PCDH11X: variants seen among roughly 807,000 people sequenced by gnomAD.
PCDH11X encodes the protein protocadherin-11 X-linked.
In PCDH11X, 18 loss-of-function variants were observed where a neutral mutation model predicts 53.3. The ratio of observed to expected loss-of-function variants is 0.34; its 90% CI spans 0.23 to 0.50. The LOEUF (loss-of-function observed/expected upper bound fraction) is 0.50. PCDH11X is among the 20% of genes least tolerant of loss of function. The probability of loss-of-function intolerance (pLI) is 0.98; values close to 1 mark genes in which losing one functional copy is unlikely to be tolerated. For synonymous variants in PCDH11X, 279 were observed against 393.3 expected, an observed-to-expected ratio of 0.71 and a Z score of 3.44; for missense variants, 570 against 1,032.4, an observed-to-expected ratio of 0.55 and a Z score of 6.14.
intron 6 of PCDH11X, among the ~76,000 whole-genome samples, chrX:91,906,846 G>A (rs1941175015): frequency 1.8e-5 from 2 of 110,947 alleles, no homozygotes; most frequent in Admixed American, 9.7e-5. Flanking sequence ...GCATTTGTTA[G>A]ATTCATAGGT....
intron 10 of PCDH11X, among the ~76,000 whole-genome samples, chrX:92,602,162 A>C (rs935497694): frequency 1.8e-5 from 2 of 111,052 alleles, no homozygotes; most frequent in African/African-American, 6.6e-5. Context: ...AAATACAGAG[A>C]GCTCCAAAGC....
intron 8 of PCDH11X, among the ~76,000 whole-genome samples, chrX:92,299,558 A>G (rs2068678474): frequency 9.0e-6 from 1 of 111,521 alleles, no homozygotes; most frequent in African/African-American, 3.3e-5. Flanking sequence ...GTGTCAAACA[A>G]GTTATCCATT....
chrX:92,049,167 C>G (rs186399402), intron 6 of PCDH11X, among the ~76,000 whole-genome samples: 8 of 110,547 alleles, frequency 7.2e-5, no homozygotes, highest in Non-Finnish European at 1.5e-4. Context: ...CTGATTATCT[C>G]CTGGATCTGG....
chrX:92,287,348 C>G (rs2068397217), intron 8 of PCDH11X, among the ~76,000 whole-genome samples: 1 of 110,868 alleles, frequency 9.0e-6, no homozygotes, highest in African/African-American at 3.3e-5. Flanking sequence ...GTCCACCACC[C>G]CCTGACAGGC....
At chrX:92,147,871 CCTTT>C (rs371391585) in intron 6 of PCDH11X, among the ~76,000 whole-genome samples, 2 of 42,888 alleles carry the variant, frequency 4.7e-5, no homozygotes, top group African/African-American at 9.9e-5. Context: ...TTCTCTCTTT[CCTTT>C]CTTTCTTTTT....
chrX:92,411,967 GAGGGAA>G (rs1266269959), intron 9 of PCDH11X, among the ~76,000 whole-genome samples: 60 of 40,175 alleles, frequency 1.5e-3, no homozygotes, highest in African/African-American at 4.3e-3. Flanking sequence ...GGAGGAGGAG[GAGGGAA>G]GAAGAAGAAG....
chrX:92,077,878 A>G (rs1443695612), intron 6 of PCDH11X, among the ~76,000 whole-genome samples: 4 of 110,629 alleles, frequency 3.6e-5, no homozygotes, highest in Non-Finnish European at 7.6e-5. Context: ...CAAAACTTAA[A>G]TGAATATTTC....
intron 6 of PCDH11X, among the ~76,000 whole-genome samples, chrX:92,019,279 C>A (rs1203837803): frequency 9.2e-6 from 1 of 109,118 alleles, no homozygotes; most frequent in African/African-American, 3.4e-5. Flanking sequence ...ACCCCCTTGA[C>A]CCCACTAACA....
At position 92,382,270 on chromosome X, in the gene PCDH11X, A is replaced by T. The variant is rs187980982; in HGVS notation, c.3145-5465A>T. Reference sequence around the variant, plus strand: ...GACCCTACATATGATTACTCTTTCTAATCAGAGTTACTGGTGATGACAGTG... The same window carrying T: ...GACCCTACATATGATTACTCTTTCTTATCAGAGTTACTGGTGATGACAGTG... On this transcript the variant is annotated intron_variant, in intron 8 of 10. Transcript: ENST00000682573. Among the ~76,000 whole-genome samples, 99 of 111,858 alleles carry T rather than the reference A, an allele frequency of 8.9e-4. No homozygotes were observed. In the Middle Eastern group the frequency reaches 0.014, roughly 16 times the overall value.
chrX:92,299,514 A>G (rs1213287662), intron 8 of PCDH11X, among the ~76,000 whole-genome samples: 5 of 111,080 alleles, frequency 4.5e-5, no homozygotes, highest in Non-Finnish European at 9.4e-5. Flanking sequence ...TCAGGGATCC[A>G]ATTTCTTCCT....
In PCDH11X at chrX:92,623,193, CTTA is replaced by C. The variant is rs1024758085; in HGVS notation, c.*4257_*4259del. Reference sequence around the variant, plus strand: ...TTTCAGGTTCTGTATTGCATGTTTTCTTATTAATATATATTAATAAAAGTTATG... The same window carrying C: ...TTTCAGGTTCTGTATTGCATGTTTTCTTAATATATATTAATAAAAGTTATG... On this transcript the variant is annotated 3_prime_UTR_variant, in exon 11 of 11. Transcript: ENST00000682573. 1 of 110,195 alleles carries C rather than the reference CTTA, an allele frequency of 9.1e-6. No individual in the cohort carries two copies. Among genetic ancestry groups the C allele is most frequent in the Non-Finnish European group, 1.9e-5 (1 of 52,564 alleles). The allele number at this position is 110,195 out of a possible 1,213,427, so 9.1% of individuals were successfully genotyped here.
At chrX:92,340,558 G>T (rs188014936) in intron 8 of PCDH11X, among the ~76,000 whole-genome samples, 1 of 111,998 alleles carries the variant, frequency 8.9e-6, no homozygotes. Context: ...AGCCACCAAG[G>T]CTATGACTTG....
chrX:92,306,609 G>C (rs1470391330), intron 8 of PCDH11X, among the ~76,000 whole-genome samples: 9 of 106,611 alleles, frequency 8.4e-5, no homozygotes, highest in Admixed American at 3.1e-4. Context: ...TAATTGTAAA[G>C]AGATTGAATC....
chrX:92,218,279 A>G (rs1325735182), intron 7 of PCDH11X, among the ~76,000 whole-genome samples: 13 of 107,139 alleles, frequency 1.2e-4, no homozygotes, highest in Non-Finnish European at 2.5e-4. Context: ...GAAAGGATCA[A>G]CAAAATTGAT....
chrX:92,533,096 C>A (rs1439032505), intron 10 of PCDH11X, among the ~76,000 whole-genome samples: 1 of 111,113 alleles, frequency 9.0e-6, no homozygotes, highest in Non-Finnish European at 1.9e-5. Context: ...TACCCCCACA[C>A]AATAACAGGC....
intron 6 of PCDH11X, among the ~76,000 whole-genome samples, chrX:92,146,428 T>C (rs959664371): frequency 1.3e-4 from 15 of 111,178 alleles, no homozygotes; most frequent in Admixed American, 1.2e-3. Context: ...AGGGGCAATA[T>C]GGAATACTGG....
At chrX:92,304,093 G>T (rs1437661700) in intron 8 of PCDH11X, among the ~76,000 whole-genome samples, 3 of 106,131 alleles carry the variant, frequency 2.8e-5, no homozygotes, top group Non-Finnish European at 5.8e-5. Flanking sequence ...TTATGTTTAG[G>T]TTATGTCTCC....
At chrX:91,983,440 A>G (rs2062176388) in intron 6 of PCDH11X, 1 of 659,805 alleles carries the variant, frequency 1.5e-6, no homozygotes, top group East Asian at 3.3e-5. Context: ...AGCCAAATCC[A>G]TAGCCCTTAG....
intron 8 of PCDH11X, among the ~76,000 whole-genome samples, chrX:92,263,934 G>T (rs2067770758): frequency 1.8e-5 from 2 of 112,130 alleles, no homozygotes; most frequent in African/African-American, 3.2e-5. Context: ...GAGGTTTAAA[G>T]AAATCAATTT....
Sources: allele counts gnomAD v4.1 joint callset (sites outside exome capture counted in the v4.1 genomes callset), GRCh38; gene constraint gnomAD v4.1.1; transcripts MANE v1.5; gene names NCBI Gene and HGNC (gene_info 2026-07-23, HGNC 2026-07-21).